Variants in RMST observed in about 807,000 individuals in gnomAD.
The protein encoded by RMST is rhabdomyosarcoma 2 associated transcript.
At chr12:97,522,754 A>C (rs1880646495) in intron 10 of RMST, among the ~76,000 whole-genome samples, 1 of 152,150 alleles carries the variant, frequency 6.6e-6, no homozygotes, top group Admixed American at 6.5e-5. Flanking sequence ...AATATATTTC[A>C]AGTGTGTGTG....
chr12:97,465,353 A>G (rs1256188354), intron 4 of RMST, among the ~76,000 whole-genome samples: 3 of 152,158 alleles, frequency 2.0e-5, no homozygotes, highest in Non-Finnish European at 2.9e-5. Context: ...TTTGTGTGCT[A>G]CTTAATGGTC....
intron 5 of RMST, among the ~76,000 whole-genome samples, chr12:97,484,955 C>G (rs61943697): frequency 6.6e-6 from 1 of 152,120 alleles, no homozygotes; most frequent in Non-Finnish European, 1.5e-5. Context: ...GGGTCAGACA[C>G]GTAGAAGACT....
chr12:97,499,558 C>T (rs1231792757), intron 10 of RMST, among the ~76,000 whole-genome samples: 1 of 151,992 alleles, frequency 6.6e-6, no homozygotes, highest in Non-Finnish European at 1.5e-5. Context: ...TTGTAAAAAT[C>T]AAATAAGATC....
intron 10 of RMST, among the ~76,000 whole-genome samples, chr12:97,509,695 C>T (rs1879081899): frequency 6.6e-6 from 1 of 152,190 alleles, no homozygotes; most frequent in Non-Finnish European, 1.5e-5. Context: ...CAAACATCAC[C>T]TCCTTATCTC....
chr12:97,465,103 G>T (rs1873024784), intron 4 of RMST: 1 of 152,250 alleles, frequency 6.6e-6, no homozygotes, highest in Non-Finnish European at 1.5e-5. Context: ...CTTCTCTCTA[G>T]TTGGGGTGCC....
chr12:97,541,526 A>T (rs956634121), intron 11 of RMST, among the ~76,000 whole-genome samples: 5 of 151,694 alleles, frequency 3.3e-5, no homozygotes, highest in African/African-American at 1.2e-4. Flanking sequence ...ACCCTGACTC[A>T]CTGCCTTCCT....
At chr12:97,531,018 T>G (rs1238749101) in intron 11 of RMST, among the ~76,000 whole-genome samples, 1 of 147,944 alleles carries the variant, frequency 6.8e-6, no homozygotes, top group African/African-American at 2.4e-5. Context: ...CTTTTTTTTT[T>G]TTTTCCTAAA....
intron 5 of RMST, among the ~76,000 whole-genome samples, chr12:97,491,243 G>A (rs1421473892): frequency 6.6e-6 from 1 of 152,172 alleles, no homozygotes; most frequent in Non-Finnish European, 1.5e-5. Context: ...AATTCCAAAG[G>A]TGATTAGTGT....
At chr12:97,518,576 T>C (rs751486441) in intron 10 of RMST, among the ~76,000 whole-genome samples, 1 of 152,180 alleles carries the variant, frequency 6.6e-6, no homozygotes, top group Non-Finnish European at 1.5e-5. Context: ...GGAATGGGTC[T>C]GATAACCTGA....
At chr12:97,504,266 TG>T (rs1385790956) in intron 10 of RMST, among the ~76,000 whole-genome samples, 1 of 152,032 alleles carries the variant, frequency 6.6e-6, no homozygotes, top group Middle Eastern at 3.2e-3. Context: ...TAGCCAGGCC[TG>T]GTAGCACACG....
At chr12:97,538,131 T>A (rs1220408867) in intron 11 of RMST, among the ~76,000 whole-genome samples, 3 of 151,402 alleles carry the variant, frequency 2.0e-5, no homozygotes, top group Non-Finnish European at 4.4e-5. Flanking sequence ...ATTTTATGGA[T>A]GTTTTCCTTT....
chr12:97,531,333 T>G (rs1257396555), intron 11 of RMST, among the ~76,000 whole-genome samples: 1 of 152,000 alleles, frequency 6.6e-6, no homozygotes, highest in Non-Finnish European at 1.5e-5. Flanking sequence ...AAAGCTAAGG[T>G]CTTGACTTAA....
chr12:97,474,816 C>T (rs568152427), intron 5 of RMST, among the ~76,000 whole-genome samples: 123 of 152,144 alleles, frequency 8.1e-4, no homozygotes, highest in Non-Finnish European at 1.5e-3. Flanking sequence ...CCAATGTCTT[C>T]TTCAAATTTA....
exon 7 of RMST, chr12:97,493,220 A>G (rs1877044145): frequency 6.6e-6 from 1 of 152,646 alleles, no homozygotes; most frequent in South Asian, 2.1e-4. Context: ...ACAAAAATCA[A>G]TACTGAGCCA....
intron 11 of RMST, among the ~76,000 whole-genome samples, chr12:97,555,485 C>T (rs1883639106): frequency 6.6e-6 from 1 of 152,146 alleles, no homozygotes; most frequent in African/African-American, 2.4e-5. Flanking sequence ...AAATAAATAG[C>T]AGTTAAAAGA....
At chr12:97,552,353 A>T (rs1291508730) in intron 11 of RMST, 1 of 152,246 alleles carries the variant, frequency 6.6e-6, no homozygotes, top group Non-Finnish European at 1.5e-5. Flanking sequence ...TTAGCCAATT[A>T]ACCTGACATA....
At chr12:97,485,281 A>G (rs996468714) in intron 5 of RMST, among the ~76,000 whole-genome samples, 3 of 152,208 alleles carry the variant, frequency 2.0e-5, no homozygotes, top group Admixed American at 2.0e-4. Context: ...TAGGTACAAT[A>G]AGACAATGAA....
chr12:97,549,743 T>C (rs1428178175), intron 11 of RMST, among the ~76,000 whole-genome samples: 1 of 152,302 alleles, frequency 6.6e-6, no homozygotes, highest in South Asian at 2.1e-4. Flanking sequence ...TGTTCCAATG[T>C]CTTTACTATC....
intron 10 of RMST, among the ~76,000 whole-genome samples, chr12:97,521,686 A>C (rs1880529356): frequency 6.6e-6 from 1 of 152,180 alleles, no homozygotes; most frequent in Non-Finnish European, 1.5e-5. Flanking sequence ...CCCATATGGA[A>C]TCTGAGAATA....
Sources: allele counts gnomAD v4.1 joint callset (sites outside exome capture counted in the v4.1 genomes callset), GRCh38; gene constraint gnomAD v4.1.1; transcripts MANE v1.5; gene names NCBI Gene and HGNC (gene_info 2026-07-23, HGNC 2026-07-21).